FRMD4A: variants seen among roughly 807,000 people sequenced by gnomAD.
FRMD4A encodes the protein FERM domain containing 4A, also known as FERM domain-containing protein 4A.
FRMD4A carries 29 observed loss-of-function variants against 129.1 expected under a neutral mutation model. The ratio of observed to expected loss-of-function variants is 0.22; its 90% CI spans 0.17 to 0.31. The LOEUF (loss-of-function observed/expected upper bound fraction) is 0.31. Among genes scored for constraint, FRMD4A ranks in the 10% least tolerant of loss-of-function variants. The pLI is 1.00. For missense variants in FRMD4A, 1,272 were observed against 1,375.8 expected (o/e 0.92, Z 1.19); for synonymous variants, 634 against 571.6 (o/e 1.11, Z -1.56).
At chr10:13,817,127 C>T (rs1038509142) in intron 3 of FRMD4A, among the ~76,000 whole-genome samples, 3 of 152,216 alleles carry the variant, frequency 2.0e-5, no homozygotes, top group African/African-American at 7.2e-5. Flanking sequence ...TCAGTGGCAC[C>T]ACTCACAGAG....
Position 13,652,220 on chromosome 10 carries a change from T to C in FRMD4A, c.3051-246A>G, listed in dbSNP as rs114950771. 4.9e-3 allele frequency: 2,738 copies of C among 555,462 alleles called. 64 individuals carry two copies. The highest frequency in any genetic ancestry group is 0.045 in the African/African-American group (2,416 of 53,128). The allele number at this position is 555,462 out of a possible 1,614,324, so 34.4% of individuals were successfully genotyped here. A position where few individuals can be genotyped will look rare whatever the true frequency, so the allele number is the denominator to read the frequency against. Reference sequence around the variant, plus strand: ...CATGGCCTCATTTTGTATCACATCATAGCAAACAGTTTATGCCAAGAACCA... The same window carrying C: ...CATGGCCTCATTTTGTATCACATCACAGCAAACAGTTTATGCCAAGAACCA... On this transcript the variant is annotated intron_variant, in intron 23 of 24. Transcript: ENST00000357447.
intron 2 of FRMD4A, among the ~76,000 whole-genome samples, chr10:14,267,444 A>G (rs1845017442): frequency 6.6e-6 from 1 of 152,214 alleles, no homozygotes; most frequent in Non-Finnish European, 1.5e-5. Flanking sequence ...TGTCATGTCA[A>G]GGAGAAAGCA....
At chr10:14,014,664 C>T (rs922240) in intron 2 of FRMD4A, among the ~76,000 whole-genome samples, 2,476 of 152,296 alleles carry the variant, frequency 0.016, 59 homozygotes, top group African/African-American at 0.055. Flanking sequence ...TCCGTAAGAA[C>T]AGGACCAAGA....
chr10:13,740,170 C>A (rs1456097901), intron 11 of FRMD4A, 24 bp downstream of exon 11: 1 of 1,428,146 alleles, frequency 7.0e-7, no homozygotes, highest in Non-Finnish European at 9.9e-7. Context: ...GGTTTGGTAA[C>A]CTTCACCAAA....
At chr10:13,704,391 C>CT in intron 13 of FRMD4A, among the ~76,000 whole-genome samples, 1 of 152,326 alleles carries the variant, frequency 6.6e-6, no homozygotes, top group East Asian at 1.9e-4. Context: ...CGAGACAGCT[C>CT]TGCTTCTTCC....
intron 2 of FRMD4A, among the ~76,000 whole-genome samples, chr10:13,951,132 G>A (rs2095367615): frequency 6.6e-6 from 1 of 152,200 alleles, no homozygotes; most frequent in Admixed American, 6.5e-5. Flanking sequence ...TTCCACAGAA[G>A]GAGCTACAGA....
intron 2 of FRMD4A, among the ~76,000 whole-genome samples, chr10:14,099,976 C>T (rs1345227853): frequency 6.6e-6 from 1 of 152,154 alleles, no homozygotes; most frequent in South Asian, 2.1e-4. Flanking sequence ...CCCTGTCTGT[C>T]TCTTTCCTCA....
chr10:13,647,916 A>C (rs544690812), intron 24 of FRMD4A: 1 of 152,238 alleles, frequency 6.6e-6, no homozygotes, highest in South Asian at 2.1e-4. Context: ...CCTCTCCTGC[A>C]ACTGATCTCC....
chr10:13,731,647 C>A (rs1185503535), intron 12 of FRMD4A, among the ~76,000 whole-genome samples: 1 of 69,210 alleles, frequency 1.4e-5, no homozygotes, highest in East Asian at 4.7e-4. Context: ...AAGACTTCAT[C>A]TCAAAAAAAA....
chr10:14,127,793 C>G (rs1481960117), intron 2 of FRMD4A, among the ~76,000 whole-genome samples: 1 of 152,168 alleles, frequency 6.6e-6, no homozygotes, highest in Non-Finnish European at 1.5e-5. Flanking sequence ...CCATCTCCTC[C>G]TCTTGGAATC....
intron 2 of FRMD4A, among the ~76,000 whole-genome samples, chr10:13,935,770 T>C (rs1380498238): frequency 6.6e-6 from 1 of 152,184 alleles, no homozygotes; most frequent in Non-Finnish European, 1.5e-5. Flanking sequence ...GCAGCTTAGA[T>C]ACTCCTATCC....
chr10:14,308,095 T>C (rs34718586), intron 2 of FRMD4A, among the ~76,000 whole-genome samples: 2,376 of 152,342 alleles, frequency 0.016, 30 homozygotes, highest in African/African-American at 0.026. Flanking sequence ...AGCTCAGTCT[T>C]TCAAACAAAG....
In FRMD4A at chr10:13,919,295, G is replaced by A. The variant is rs185245549; in HGVS notation, c.46-60383C>T. 1.3e-3 allele frequency among the ~76,000 whole-genome samples: 204 copies of A among 152,302 alleles called. 1 individual carries two copies. Among genetic ancestry groups the A allele is most frequent in the Admixed American group, 2.6e-3 (40 of 15,292 alleles). ...TGGGTATTGTTTGACTTAGGAAGCT[G>A]TTCAGTCATCATGGTACTAATGAGT... On this transcript the variant is annotated intron_variant, in intron 2 of 24. Coordinates refer to ENST00000357447, the MANE Select transcript of FRMD4A (RefSeq NM_018027.5).
chr10:13,924,020 G>A (rs1236807012), intron 2 of FRMD4A, among the ~76,000 whole-genome samples: 11 of 152,270 alleles, frequency 7.2e-5, no homozygotes, highest in African/African-American at 1.9e-4. Context: ...GGGGTGGGCC[G>A]TGGCTAGGGG....
intron 2 of FRMD4A, among the ~76,000 whole-genome samples, chr10:14,272,134 G>GT (rs1314255534): frequency 1.3e-4 from 20 of 151,860 alleles, no homozygotes; most frequent in Admixed American, 1.2e-3. Context: ...ATAAAGGTTT[G>GT]TTTTTTTTCT....
At chr10:13,940,363 T>C (rs775295305) in intron 2 of FRMD4A, among the ~76,000 whole-genome samples, 1 of 152,052 alleles carries the variant, frequency 6.6e-6, no homozygotes, top group Non-Finnish European at 1.5e-5. Context: ...ACTGTTGCAG[T>C]GTAAGGGGCT....
intron 2 of FRMD4A, among the ~76,000 whole-genome samples, chr10:14,034,199 T>G (rs568239107): frequency 6.6e-6 from 1 of 152,302 alleles, no homozygotes; most frequent in Non-Finnish European, 1.5e-5. Context: ...TCCCTAGATG[T>G]TCATTAAGCG....
At chr10:13,806,265 T>C (rs2093355552) in intron 4 of FRMD4A, among the ~76,000 whole-genome samples, 1 of 152,096 alleles carries the variant, frequency 6.6e-6, no homozygotes, top group African/African-American at 2.4e-5. Flanking sequence ...GCTGAAATTA[T>C]AGGCATGAGC....
At chr10:14,181,099 C>T (rs1376350045) in intron 2 of FRMD4A, among the ~76,000 whole-genome samples, 3 of 152,194 alleles carry the variant, frequency 2.0e-5, no homozygotes, top group Non-Finnish European at 4.4e-5. Context: ...GAGACTTTTC[C>T]CTTCAGCAGT....
Sources: gnomAD v4.1 joint callset for allele counts (sites outside exome capture counted in the v4.1 genomes callset) on GRCh38, gnomAD v4.1.1 for gene constraint, MANE v1.5 for transcripts, NCBI Gene and HGNC (gene_info 2026-07-23, HGNC 2026-07-21) for gene names.